The following WIPI1 variants were observed in gnomAD, a reference collection of about 807,000 sequenced individuals.
The protein encoded by WIPI1 is WD repeat domain, phosphoinositide interacting 1.
A neutral mutation model predicts 55.3 loss-of-function variants in WIPI1; 45 were observed. The observed-to-expected ratio is 0.81, with a 90% CI of 0.64 to 1.04. The LOEUF is 1.04. Among genes scored for constraint, WIPI1 ranks in the 50% least tolerant of loss-of-function variants. The pLI, the probability that WIPI1 is intolerant of heterozygous loss-of-function variation, is 0.00. For synonymous variants in WIPI1, 195 were observed against 217.6 expected (o/e 0.90, Z 0.92); for missense variants, 445 against 559.0 (o/e 0.80, Z 2.06).
intron 1 of WIPI1, among the ~76,000 whole-genome samples, chr17:68,454,668 T>C (rs771829007): frequency 6.6e-6 from 1 of 152,202 alleles, no homozygotes; most frequent in Non-Finnish European, 1.5e-5. Context: ...AAAATGTATT[T>C]TGTAGTGTTA....
At position 68,435,630 on chromosome 17, in the gene WIPI1, G is replaced by A. The variant is rs371498242; in HGVS notation, c.611C>T (p.Ala204Val). Residue 204 changes from alanine to valine, a missense_variant, in exon 6 of 13, where the codon GCG becomes GTG. Ala to Val is a moderately conservative substitution (Grantham distance 64). Transcript: ENST00000262139. ...TGGGAGTGGACTCACTTTTTCAGACGCACTTGCTAGTTTGGAGCCTGAGGC... is the reference window on the plus strand; with the variant it reads ...TGGGAGTGGACTCACTTTTTCAGACACACTTGCTAGTTTGGAGCCTGAGGC... ...FNASGSKLAS[A>V]SEKGTVIRVF... 1.9e-5 allele frequency: 31 copies of A among 1,614,062 alleles called. No individual in the cohort carries two copies. The highest frequency in any genetic ancestry group is 5.9e-6 in the Non-Finnish European group (7 of 1,179,974).
rs191710992 is a variant in WIPI1 at position 68,426,452 on chromosome 17, C to T, written c.1193-277G>A. Among the ~76,000 whole-genome samples, 7 of 152,258 alleles carry T rather than the reference C, an allele frequency of 4.6e-5. 1 individual carries two copies. The highest frequency in any genetic ancestry group is 3.9e-4 in the East Asian group (2 of 5,180). ...CTCAGTATGTTGCCCAGGCTGGTCT[C>T]GAACTCCTGAGCCTAAGGGATCCTT... On this transcript the variant is annotated intron_variant, in intron 11 of 12. Transcript: ENST00000262139.
chr17:68,430,268 G>A, intron 8 of WIPI1, 108 bp from the exon 9 acceptor site: 1 of 1,147,856 alleles, frequency 8.7e-7, no homozygotes, highest in Non-Finnish European at 1.2e-6. Context: ...AGCAGGGAGA[G>A]ACTGTGCCTT....
chr17:68,443,884 A>T (rs1166827893), intron 4 of WIPI1, among the ~76,000 whole-genome samples: 3 of 152,210 alleles, frequency 2.0e-5, no homozygotes, highest in African/African-American at 4.8e-5. Context: ...GTTTACTCCT[A>T]GCTTGATGAA....
chr17:68,435,836 C>T, intron 5 of WIPI1, 124 bp from the exon 6 acceptor site: 2 of 849,574 alleles, frequency 2.4e-6, no homozygotes, highest in South Asian at 1.6e-5. Context: ...CTTCCTCTGT[C>T]CCCCAGGCCA....
chr17:68,437,950 A>AAAAAAAAAAAAAAT (rs2083896507), intron 4 of WIPI1, among the ~76,000 whole-genome samples: 1 of 35,500 alleles, frequency 2.8e-5, no homozygotes, highest in Non-Finnish European at 5.7e-5. Flanking sequence ...ATCTCTCTTA[A>AAAAAAAAAAAAAAT]AAAAAAAAAA....
intron 4 of WIPI1, 141 bp from the exon 5 acceptor site, chr17:68,436,620 CT>C: frequency 1.4e-6 from 1 of 692,150 alleles, no homozygotes. Context: ...CTGCTTTCCG[CT>C]GATGATTCTT....
chr17:68,448,822 C>T (rs576103369), intron 3 of WIPI1, among the ~76,000 whole-genome samples: 92 of 152,270 alleles, frequency 6.0e-4, no homozygotes, highest in Admixed American at 1.7e-3. Context: ...GTGAAAACAC[C>T]TGAGTCAAGA....
intron 8 of WIPI1, among the ~76,000 whole-genome samples, chr17:68,432,345 C>T (rs552071925): frequency 4.6e-5 from 7 of 152,284 alleles, no homozygotes; most frequent in African/African-American, 1.7e-4. Flanking sequence ...TAGCTTTCTC[C>T]AACTGGTGGC....
intron 12 of WIPI1, chr17:68,424,330 C>A: frequency 2.2e-6 from 1 of 449,436 alleles, no homozygotes; most frequent in Non-Finnish European, 4.5e-6. Flanking sequence ...CACAAAACAA[C>A]AGCCCCAGCC....
At chr17:68,451,225 G>A (rs543459711) in intron 2 of WIPI1, among the ~76,000 whole-genome samples, 3 of 152,364 alleles carry the variant, frequency 2.0e-5, no homozygotes, top group Admixed American at 2.0e-4. Flanking sequence ...GAGGCCAGGA[G>A]TTCAAGACCA....
At chr17:68,452,390 C>A (rs1173083614) in intron 2 of WIPI1, among the ~76,000 whole-genome samples, 1 of 152,154 alleles carries the variant, frequency 6.6e-6, no homozygotes, top group Non-Finnish European at 1.5e-5. Context: ...CGTGGTGAAA[C>A]CCCGTCTCTA....
intron 4 of WIPI1, among the ~76,000 whole-genome samples, chr17:68,442,544 G>A (rs1186759646): frequency 6.6e-6 from 1 of 152,018 alleles, no homozygotes; most frequent in African/African-American, 2.4e-5. Flanking sequence ...TCCTCTGGGG[G>A]TCAAGTGTGC....
At chr17:68,443,205 G>T (rs148651579) in intron 4 of WIPI1, among the ~76,000 whole-genome samples, 1 of 152,054 alleles carries the variant, frequency 6.6e-6, no homozygotes, top group African/African-American at 2.4e-5. Flanking sequence ...CCGCCTCCTG[G>T]GTTCAAGTAA....
Position 68,421,432 on chromosome 17 carries a change from C to T in WIPI1, c.*341G>A, listed in dbSNP as rs2082764568. The T allele has an allele frequency of 3.4e-6, 1 of 295,560 alleles. No homozygotes were observed. Among genetic ancestry groups the T allele is most frequent in the African/African-American group, 2.1e-5 (1 of 47,528 alleles). The allele number at this position is 295,560 out of a possible 1,614,324, so 18.3% of individuals were successfully genotyped here. ...AAGAAATACAATTCAAAGAGATGTT[C>T]CTATAAGTACATTTTTTACACGGCA... On this transcript the variant is annotated 3_prime_UTR_variant, in exon 13 of 13. Coordinates refer to ENST00000262139, the MANE Select transcript of WIPI1 (RefSeq NM_017983.7).
intron 3 of WIPI1, among the ~76,000 whole-genome samples, chr17:68,449,418 A>C (rs2084410290): frequency 1.3e-5 from 2 of 152,174 alleles, no homozygotes; most frequent in Admixed American, 1.3e-4. Context: ...TGAGCCCAGG[A>C]GTTTGAGACC....
chr17:68,436,562 A>C, intron 4 of WIPI1, 83 bp from the exon 5 acceptor site: 1 of 1,273,600 alleles, frequency 7.9e-7, no homozygotes, highest in Admixed American at 1.9e-5. Context: ...AAAACAGTAC[A>C]GCTACAGTGC....
intron 4 of WIPI1, among the ~76,000 whole-genome samples, chr17:68,440,517 A>C (rs1442144085): frequency 6.6e-6 from 1 of 152,152 alleles, no homozygotes; most frequent in Non-Finnish European, 1.5e-5. Context: ...AATCACCCAC[A>C]ATTCTAAAAC....
At chr17:68,427,097 G>T in intron 11 of WIPI1, 38 bp downstream of exon 11, 1 of 1,546,066 alleles carries the variant, frequency 6.5e-7, no homozygotes, top group Non-Finnish European at 8.9e-7. Context: ...GGAGGTCACT[G>T]TTGGAGATGC....
Sources: allele counts gnomAD v4.1 joint callset (sites outside exome capture counted in the v4.1 genomes callset), GRCh38; gene constraint gnomAD v4.1.1; transcripts MANE v1.5; gene names NCBI Gene and HGNC (gene_info 2026-07-23, HGNC 2026-07-21).